Variants in MTREX observed in about 807,000 individuals in gnomAD.
MTREX encodes Mtr4 exosome RNA helicase.
Under a neutral mutation model 135.4 loss-of-function variants are expected in MTREX, and 76 were observed. The ratio of observed to expected loss-of-function variants is 0.56; its 90% CI spans 0.47 to 0.68. The LOEUF (loss-of-function observed/expected upper bound fraction) is 0.68. Among genes scored for constraint, MTREX ranks in the 30% least tolerant of loss-of-function variants. The probability of loss-of-function intolerance (pLI) is 0.00; values close to 1 mark genes in which losing one functional copy is unlikely to be tolerated. For missense variants in MTREX, 920 were observed against 1,262.1 expected, an observed-to-expected ratio of 0.73 and a Z score of 4.11; for synonymous variants, 404 against 401.6, an observed-to-expected ratio of 1.01 and a Z score of -0.07.
intron 6 of MTREX, among the ~76,000 whole-genome samples, chr5:55,340,873 C>T (rs1749637988): frequency 6.6e-6 from 1 of 152,128 alleles, no homozygotes; most frequent in Non-Finnish European, 1.5e-5. Context: ...GAGCCAACCG[C>T]ACCCAGCCAA....
At chr5:55,384,438 A>T (rs1329166070) in intron 18 of MTREX, among the ~76,000 whole-genome samples, 1 of 152,028 alleles carries the variant, frequency 6.6e-6, no homozygotes, top group African/African-American at 2.4e-5. Context: ...ATTAATTGTG[A>T]TTTCCCTTGA....
intron 24 of MTREX, among the ~76,000 whole-genome samples, chr5:55,414,677 C>G (rs929599345): frequency 4.6e-5 from 7 of 152,130 alleles, no homozygotes; most frequent in Non-Finnish European, 7.4e-5. Context: ...GAGACAGAGT[C>G]TCGCTCTCTT....
In MTREX at chr5:55,349,578, G is replaced by GA; in HGVS notation, c.1250dup (p.Lys418GlufsTer4). The GA allele has an allele frequency of 6.3e-7, 1 of 1,575,494 alleles. No individual in the cohort carries two copies. Among genetic ancestry groups the GA allele is most frequent in the Non-Finnish European group, 8.7e-7 (1 of 1,146,442 alleles). On this transcript the variant is annotated frameshift_variant, in exon 12 of 27. Transcript: ENST00000230640. LOFTEE classifies it high-confidence loss of function. ...ACCCTTGAATTTTCTCCTAGATGAA[G>GA]AAAAGAAGATGGTTGAAGAAGTATT...
chr5:55,390,900 T>A (rs1750555692), intron 19 of MTREX, among the ~76,000 whole-genome samples: 1 of 152,176 alleles, frequency 6.6e-6, no homozygotes. Flanking sequence ...GAAATCAGAT[T>A]TTTTGAGGGG....
intron 5 of MTREX, among the ~76,000 whole-genome samples, chr5:55,333,797 G>A (rs941135481): frequency 6.6e-6 from 1 of 152,066 alleles, no homozygotes; most frequent in Admixed American, 6.6e-5. Flanking sequence ...AGAATGTAAT[G>A]TGTTTGTTAT....
intron 5 of MTREX, among the ~76,000 whole-genome samples, chr5:55,338,941 C>A (rs1749598864): frequency 6.6e-6 from 1 of 151,866 alleles, no homozygotes; most frequent in Non-Finnish European, 1.5e-5. Context: ...CAAATGTACA[C>A]CACCATACCT....
At chr5:55,308,292 G>A in intron 1 of MTREX, 145 bp downstream of exon 1, 1 of 988,106 alleles carries the variant, frequency 1.0e-6, no homozygotes. Flanking sequence ...AAGTTGGAGA[G>A]GGTGGAAGAA....
At chr5:55,309,092 G>A (rs188237713) in intron 1 of MTREX, among the ~76,000 whole-genome samples, 1 of 152,260 alleles carries the variant, frequency 6.6e-6, no homozygotes, top group African/African-American at 2.4e-5. Context: ...CTTTCAGGAA[G>A]GCTTATTTAT....
chr5:55,388,054 T>A lies in MTREX; in HGVS notation c.2133T>A (p.Ala711=), dbSNP rs371125400. 3.3e-5 allele frequency: 53 copies of A among 1,609,368 alleles called. No individual in the cohort carries two copies. Among genetic ancestry groups the A allele is most frequent in the Admixed American group, 1.7e-5 (1 of 59,948 alleles). ...GCAAAGAGAGCTTGAAAAATTCAGCTACAGAAGCTGCAAAACCAGCTAAAC... is the reference window on the plus strand; with the variant it reads ...GCAAAGAGAGCTTGAAAAATTCAGCAACAGAAGCTGCAAAACCAGCTAAAC... The part of the protein sequence containing the change: ...RCSKESLKNS[A]TEAAKPAKPD... Residue 711 remains alanine, a synonymous_variant, in exon 19 of 27, where the codon GCT becomes GCA. Coordinates refer to ENST00000230640, the MANE Select transcript of MTREX (RefSeq NM_015360.5).
intron 7 of MTREX, among the ~76,000 whole-genome samples, chr5:55,343,039 C>T (rs1312895994): frequency 2.0e-5 from 3 of 152,106 alleles, no homozygotes; most frequent in African/African-American, 2.4e-5. Context: ...AATACTGTTC[C>T]GCTGCCTTGT....
intron 16 of MTREX, among the ~76,000 whole-genome samples, chr5:55,377,392 ATTAG>A (rs1301473444): frequency 6.6e-5 from 10 of 152,340 alleles, no homozygotes; most frequent in Admixed American, 4.6e-4. Context: ...AAAATCCAAT[ATTAG>A]TTAATACCTC....
chr5:55,351,988 AT>A (rs548964162), intron 13 of MTREX, among the ~76,000 whole-genome samples: 100 of 147,354 alleles, frequency 6.8e-4, no homozygotes, highest in Middle Eastern at 3.6e-3. Context: ...TCCCCAACTA[AT>A]TTTTTTTTCT....
chr5:55,425,135 A>G lies in MTREX; in HGVS notation c.*363A>G, dbSNP rs1751138384. On this transcript the variant is annotated 3_prime_UTR_variant, in exon 27 of 27. Coordinates refer to ENST00000230640, the MANE Select transcript of MTREX (RefSeq NM_015360.5). The stretch of plus-strand genomic sequence containing the variant: ...GCTTGTACACCAGGAAGAAAGATGC[A>G]TCCTCTTGCCTTGTGGCAATCATTT... 2 of 1,528,810 alleles carry G rather than the reference A, an allele frequency of 1.3e-6. No individual in the cohort carries two copies. Among genetic ancestry groups the G allele is most frequent in the African/African-American group, 1.4e-5 (1 of 71,618 alleles). 94.7% of individuals were successfully genotyped at this position (1,528,810 alleles called of 1,614,324 possible).
rs1369265697 is a variant in MTREX at position 55,366,656 on chromosome 5, A to C, written c.1660-69A>C. The C allele has an allele frequency of 2.6e-6, 3 of 1,167,886 alleles. No individual in the cohort carries two copies. The African/African-American group carries it at 4.6e-5, about 18-fold the overall frequency. 72.3% of individuals were successfully genotyped at this position (1,167,886 alleles called of 1,614,324 possible). On this transcript the variant is annotated intron_variant, in intron 15 of 26. Coordinates refer to ENST00000230640, the MANE Select transcript of MTREX (RefSeq NM_015360.5). ...AATGTAGACTGTTATTGAGCATTAT[A>C]GTAGGTTAAAGGTACTTGTGTAAAT...
intron 23 of MTREX, among the ~76,000 whole-genome samples, chr5:55,413,112 C>T (rs541734199): frequency 6.6e-6 from 1 of 151,922 alleles, no homozygotes; most frequent in African/African-American, 2.4e-5. Flanking sequence ...GAGGCTGAGG[C>T]GGGCAGATCA....
At chr5:55,404,263 T>A (rs998875623) in intron 21 of MTREX, among the ~76,000 whole-genome samples, 9 of 152,226 alleles carry the variant, frequency 5.9e-5, no homozygotes, top group African/African-American at 2.2e-4. Flanking sequence ...CATTGTTTTT[T>A]GTTCTTGTAC....
intron 1 of MTREX, among the ~76,000 whole-genome samples, chr5:55,316,304 G>GAT (rs1749197256): frequency 6.6e-6 from 1 of 152,098 alleles, no homozygotes; most frequent in African/African-American, 2.4e-5. Flanking sequence ...GCATCATCTT[G>GAT]ATATCAAAAA....
chr5:55,414,105 TTGTTAAAACGGGTAGTG>T (rs1750928483), intron 23 of MTREX, 60 bp from the exon 24 acceptor site: 3 of 999,944 alleles, frequency 3.0e-6, no homozygotes, highest in Non-Finnish European at 4.4e-6. Context: ...AAGCTTTAAT[TTGTTAAAACGGGTAGTG>T]TGAAAAACCA....
intron 16 of MTREX, among the ~76,000 whole-genome samples, chr5:55,372,004 A>G (rs924133714): frequency 6.6e-6 from 1 of 152,076 alleles, no homozygotes; most frequent in South Asian, 2.1e-4. Flanking sequence ...CTTCCCTGTT[A>G]TCCCCCATAG....
Sources: gnomAD v4.1 joint callset for allele counts (sites outside exome capture counted in the v4.1 genomes callset) on GRCh38, gnomAD v4.1.1 for gene constraint, MANE v1.5 for transcripts, NCBI Gene and HGNC (gene_info 2026-07-23, HGNC 2026-07-21) for gene names.